EFCAB5: variants seen among roughly 807,000 people sequenced by gnomAD.
EFCAB5 encodes the protein EF-hand calcium binding domain 5, also known as EF-hand calcium-binding domain-containing protein 5.
Under a neutral mutation model 167.9 loss-of-function variants are expected in EFCAB5, and 131 were observed. That is an observed-to-expected ratio of 0.78 (90% CI 0.68 to 0.90). The LOEUF is 0.90. Ranked by LOEUF, EFCAB5 falls within the 40% of genes least tolerant of loss-of-function variation. The probability of loss-of-function intolerance (pLI) is 0.00; values close to 1 mark genes in which losing one functional copy is unlikely to be tolerated. For missense variants in EFCAB5, 1,663 were observed against 1,745.2 expected (o/e 0.95, Z 0.84); for synonymous variants, 574 against 602.8 (o/e 0.95, Z 0.70).
chr17:29,944,569 C>T (rs1242608699), intron 3 of EFCAB5, among the ~76,000 whole-genome samples: 2 of 151,374 alleles, frequency 1.3e-5, no homozygotes, highest in African/African-American at 2.4e-5. Flanking sequence ...TTGTCCTTGG[C>T]CCTGTTTATT....
chr17:30,070,761 C>A (rs989118373), intron 14 of EFCAB5, among the ~76,000 whole-genome samples: 1 of 151,732 alleles, frequency 6.6e-6, no homozygotes, highest in Non-Finnish European at 1.5e-5. Context: ...ACCAGCCTGG[C>A]CAACATGGCA....
chr17:30,055,909 A>T lies in EFCAB5; in HGVS notation c.2216A>T (p.Gln739Leu). 1 of 1,613,342 alleles carries T rather than the reference A, an allele frequency of 6.2e-7. No individual in the cohort carries two copies. Among genetic ancestry groups the T allele is most frequent in the Non-Finnish European group, 8.5e-7 (1 of 1,179,688 alleles). ...TTAGAAACTACAAAAAAGGAAGTTCAGAAAGACAAGCCCTGTGAACCCAAG... is the reference window on the plus strand; with the variant it reads ...TTAGAAACTACAAAAAAGGAAGTTCTGAAAGACAAGCCCTGTGAACCCAAG... ...HFPETTKKEV[Q>L]KDKPCEPKSQ... The change falls in exon 11 of 23, where the codon CAG becomes CTG. Residue 739 changes from glutamine to leucine, a missense_variant. Physicochemically the swap from Gln to Leu is moderately radical, Grantham distance 113. Coordinates refer to ENST00000394835, the MANE Select transcript of EFCAB5 (RefSeq NM_198529.4).
chr17:30,082,207 G>A (rs947976938), intron 17 of EFCAB5, among the ~76,000 whole-genome samples: 1 of 152,226 alleles, frequency 6.6e-6, no homozygotes, highest in Non-Finnish European at 1.5e-5. Context: ...ATTGGCATCC[G>A]ATCAAGGCAG....
At chr17:30,052,171 T>C (rs1248050486) in intron 9 of EFCAB5, among the ~76,000 whole-genome samples, 1 of 152,006 alleles carries the variant, frequency 6.6e-6, no homozygotes, top group South Asian at 2.1e-4. Context: ...TCCCAAAGAA[T>C]GTCTTTTTTT....
intron 1 of EFCAB5, among the ~76,000 whole-genome samples, chr17:29,930,841 A>G (rs188747436): frequency 6.6e-6 from 1 of 152,258 alleles, no homozygotes; most frequent in Admixed American, 6.5e-5. Context: ...CCTGAGGAGA[A>G]GAGAAGCTGA....
In EFCAB5 at chr17:30,050,259, C is replaced by G. The variant is rs191411739; in HGVS notation, c.1201-859C>G. Among the ~76,000 whole-genome samples, 1,139 of 151,832 alleles carry G rather than the reference C, an allele frequency of 7.5e-3. 20 individuals are homozygous for G. Among genetic ancestry groups the G allele is most frequent in the African/African-American group, 0.026 (1,083 of 41,386 alleles). On this transcript the variant is annotated intron_variant, in intron 8 of 22. Transcript: ENST00000394835. ...AAGTGATTCTCCTGCCTCAGCCTCC[C>G]GAGTAGCTGGGATTACAGGTGCCCA...
chr17:30,020,162 T>G (rs1293477580), intron 7 of EFCAB5, among the ~76,000 whole-genome samples: 5 of 152,148 alleles, frequency 3.3e-5, no homozygotes, highest in African/African-American at 1.2e-4. Context: ...CCACATTTAA[T>G]CTACTCATTG....
intron 3 of EFCAB5, among the ~76,000 whole-genome samples, chr17:29,944,322 C>T (rs2067353323): frequency 6.6e-6 from 1 of 152,092 alleles, no homozygotes; most frequent in East Asian, 1.9e-4. Flanking sequence ...CTCAGGCGAT[C>T]CTCCTGTCTC....
chr17:29,934,105 AAACAT>A (rs2067225497), intron 1 of EFCAB5, among the ~76,000 whole-genome samples: 1 of 152,248 alleles, frequency 6.6e-6, no homozygotes, highest in South Asian at 2.1e-4. Context: ...TTGCTTCTGT[AAACAT>A]AACATTTTTT....
intron 8 of EFCAB5, among the ~76,000 whole-genome samples, chr17:30,048,813 G>A (rs1453190630): frequency 6.6e-6 from 1 of 152,162 alleles, no homozygotes; most frequent in African/African-American, 2.4e-5. Flanking sequence ...GTAGATTACT[G>A]TGGCTCTATT....
intron 18 of EFCAB5, among the ~76,000 whole-genome samples, chr17:30,085,801 T>C (rs1254425432): frequency 5.9e-5 from 9 of 152,158 alleles, no homozygotes; most frequent in Admixed American, 5.9e-4. Flanking sequence ...GCGATAATCT[T>C]AACAGTTTTC....
At chr17:29,974,342 C>A (rs2068021000) in intron 4 of EFCAB5, among the ~76,000 whole-genome samples, 1 of 151,640 alleles carries the variant, frequency 6.6e-6, no homozygotes, top group South Asian at 2.1e-4. Context: ...AGTTCGAGAC[C>A]AGCCTGGGCA....
chr17:30,017,252 A>G (rs973769334), intron 7 of EFCAB5, among the ~76,000 whole-genome samples: 1 of 152,126 alleles, frequency 6.6e-6, no homozygotes, highest in Non-Finnish European at 1.5e-5. Context: ...CAATATGCAT[A>G]TTACCGTCAC....
intron 4 of EFCAB5, among the ~76,000 whole-genome samples, chr17:29,975,357 G>A (rs1450558196): frequency 6.6e-6 from 1 of 151,994 alleles, no homozygotes; most frequent in African/African-American, 2.4e-5. Flanking sequence ...CCTCCCGGCA[G>A]CGATTCTCCT....
chr17:29,948,116 G>A (rs751841725), intron 3 of EFCAB5, among the ~76,000 whole-genome samples: 5 of 152,142 alleles, frequency 3.3e-5, no homozygotes, highest in Admixed American at 6.5e-5. Flanking sequence ...TTGAGCCACC[G>A]CGCCTGGCCT....
chr17:30,043,159 C>A (rs1251731567), intron 8 of EFCAB5, among the ~76,000 whole-genome samples: 1 of 151,982 alleles, frequency 6.6e-6, no homozygotes, highest in Non-Finnish European at 1.5e-5. Context: ...CATTAAGAGA[C>A]CAAAAAACAA....
chr17:30,017,190 A>C (rs1342592650), intron 7 of EFCAB5, among the ~76,000 whole-genome samples: 1 of 152,144 alleles, frequency 6.6e-6, no homozygotes, highest in Non-Finnish European at 1.5e-5. Context: ...AAAAGAAAAA[A>C]AAATCAATCC....
intron 14 of EFCAB5, among the ~76,000 whole-genome samples, chr17:30,064,544 T>A (rs548245166): frequency 6.6e-6 from 1 of 152,164 alleles, no homozygotes; most frequent in South Asian, 2.1e-4. Flanking sequence ...GAACAAATAT[T>A]TGTATTATGG....
rs1241443273 is a variant in EFCAB5 at position 30,103,500 on chromosome 17, G to A, written c.4322-4334G>A. ...GGGAATGAAACTGATATACGTGCAA[G>A]AACTCAGCATTCATCCTAGAACAAA... On this transcript the variant is annotated intron_variant, in intron 22 of 22. Coordinates refer to ENST00000394835, the MANE Select transcript of EFCAB5 (RefSeq NM_198529.4). Among the ~76,000 whole-genome samples the A allele has an allele frequency of 2.6e-5, 4 of 152,076 alleles. No homozygotes were observed. In the South Asian group the frequency reaches 8.3e-4, roughly 31 times the overall value.
Sources: gnomAD v4.1 joint callset for allele counts (sites outside exome capture counted in the v4.1 genomes callset) on GRCh38, gnomAD v4.1.1 for gene constraint, MANE v1.5 for transcripts, NCBI Gene and HGNC (gene_info 2026-07-23, HGNC 2026-07-21) for gene names.